CCDC186: variants seen among roughly 807,000 people sequenced by gnomAD.
CCDC186 encodes coiled-coil domain-containing protein 186.
In CCDC186, 49 loss-of-function variants were observed where a neutral mutation model predicts 113.7. The observed-to-expected ratio is 0.43, with a 90% CI of 0.34 to 0.55. CCDC186 has a LOEUF of 0.55. CCDC186 is among the 20% of genes least tolerant of loss of function. The pLI, the probability that CCDC186 is intolerant of heterozygous loss-of-function variation, is 0.02. For missense variants in CCDC186, 890 were observed against 1,011.1 expected (o/e 0.88, Z 1.62); for synonymous variants, 355 against 345.8 (o/e 1.03, Z -0.30).
At chr10:114,130,351 T>C (rs936082512) in intron 12 of CCDC186, 6 of 164,616 alleles carry the variant, frequency 3.6e-5, no homozygotes, top group Non-Finnish European at 7.9e-5. Context: ...ATTAAGTAAA[T>C]GCTAAGTCCC....
chr10:114,134,662 A>G (rs1349455462), intron 10 of CCDC186, among the ~76,000 whole-genome samples: 4 of 152,222 alleles, frequency 2.6e-5, no homozygotes, highest in Admixed American at 6.5e-5. Context: ...GGAATGGATA[A>G]GAGACTCAAC....
In CCDC186 at chr10:114,127,443, T is replaced by C. The variant is rs1439886252; in HGVS notation, c.2393+18A>G. 3 of 1,607,692 alleles carry C rather than the reference T, an allele frequency of 1.9e-6. No homozygotes were observed. In the South Asian group the frequency reaches 3.3e-5, roughly 18 times the overall value. ...ACGGTATTTTGAAGACCGATCATGC[T>C]ACCGTAATAATACATACTTTGTTTT... On this transcript the variant is annotated intron_variant, in intron 14 of 15. Transcript: ENST00000369287.
chr10:114,144,358 CAT>C (rs1350804288), intron 6 of CCDC186, 137 bp downstream of exon 6: 5 of 1,007,368 alleles, frequency 5.0e-6, no homozygotes, highest in Non-Finnish European at 7.0e-6. Flanking sequence ...CTTCATGCCT[CAT>C]TAACTGTTAT....
Position 114,157,553 on chromosome 10 carries a change from C to A in CCDC186, c.759+1G>T. The stretch of plus-strand genomic sequence containing the variant: ...TCTTCGAAGATTTTTGTCTTTTTTA[C>A]CTGTTTAATTGTGTTCATATGCTGC... On this transcript the variant is annotated splice_donor_variant, in intron 3 of 15. Coordinates refer to ENST00000369287, the MANE Select transcript of CCDC186 (RefSeq NM_018017.4). LOFTEE classifies it high-confidence loss of function. 1 of 1,583,854 alleles carries A rather than the reference C, an allele frequency of 6.3e-7. No homozygotes were observed. Among genetic ancestry groups the A allele is most frequent in the Non-Finnish European group, 8.5e-7 (1 of 1,171,666 alleles).
chr10:114,173,870 G>C, intron 1 of CCDC186, 145 bp downstream of exon 1: 1 of 356,144 alleles, frequency 2.8e-6, no homozygotes, highest in Non-Finnish European at 5.6e-6. Flanking sequence ...GGAGCCAGGC[G>C]GGGAGCCCGC....
At chr10:114,169,234 C>CA (rs2032420676) in intron 1 of CCDC186, among the ~76,000 whole-genome samples, 1 of 97,502 alleles carries the variant, frequency 1.0e-5, no homozygotes, top group African/African-American at 3.9e-5. Context: ...TAGTACCATT[C>CA]TTTTTTTTTT....
intron 3 of CCDC186, among the ~76,000 whole-genome samples, chr10:114,154,091 G>T (rs562400184): frequency 1.3e-5 from 2 of 151,618 alleles, no homozygotes; most frequent in East Asian, 3.9e-4. Context: ...CACGCCTGTA[G>T]TAGCAGCTAC....
intron 4 of CCDC186, among the ~76,000 whole-genome samples, chr10:114,146,183 G>A (rs1192784773): frequency 6.6e-6 from 1 of 152,180 alleles, no homozygotes; most frequent in Non-Finnish European, 1.5e-5. Flanking sequence ...GGCAGAGTGA[G>A]ATCTGGCTCC....
At chr10:114,149,838 A>AGGCAGGCAGGC (rs1564913049) in intron 4 of CCDC186, among the ~76,000 whole-genome samples, 73 of 107,530 alleles carry the variant, frequency 6.8e-4, no homozygotes, top group African/African-American at 2.6e-3. Flanking sequence ...GGAAGGCAGG[A>AGGCAGGCAGGC]AGGCAGGCAG....
rs377220654 is a variant in CCDC186, at chr10:114,169,024, TC to T, written c.-62+4990del. Among the ~76,000 whole-genome samples the T allele has an allele frequency of 9.8e-5, 15 of 152,286 alleles. No individual in the cohort carries two copies. The East Asian group carries it at 2.9e-3, about 29-fold the overall frequency. On this transcript the variant is annotated intron_variant, in intron 1 of 15. Transcript: ENST00000369287. ...AACATGGCAGTGAATAAAACAGAAA[TC>T]CTCATTTTATTCTTCGTGTTTTACT...
At chr10:114,162,074 G>A (rs1161828871) in intron 2 of CCDC186, 1 of 152,214 alleles carries the variant, frequency 6.6e-6, no homozygotes, top group Non-Finnish European at 1.5e-5. Context: ...GATTTGCAAA[G>A]TGAAAAAGTT....
chr10:114,152,845 T>A (rs2031895363), intron 3 of CCDC186, among the ~76,000 whole-genome samples: 1 of 152,060 alleles, frequency 6.6e-6, no homozygotes, highest in Non-Finnish European at 1.5e-5. Flanking sequence ...TATATTTACA[T>A]AAAAAACAGA....
chr10:114,126,211 T>C, intron 14 of CCDC186, 106 bp from the exon 15 acceptor site: 1 of 788,020 alleles, frequency 1.3e-6, no homozygotes, highest in Non-Finnish European at 2.0e-6. Flanking sequence ...AAATATTAGG[T>C]TAATAACCTA....
chr10:114,130,231 T>C (rs984717728), intron 12 of CCDC186: 21 of 247,332 alleles, frequency 8.5e-5, no homozygotes, highest in African/African-American at 3.4e-4. Flanking sequence ...TTTTAAAGTA[T>C]TGAAAGATTT....
At chr10:114,162,488 C>T (rs1589631166) in intron 2 of CCDC186, 149 bp downstream of exon 2, 1 of 568,900 alleles carries the variant, frequency 1.8e-6, no homozygotes, top group Non-Finnish European at 2.9e-6. Context: ...ACACATTCAG[C>T]AACTATACAT....
rs1564902084 is a variant in CCDC186, at chr10:114,122,947, A to G, written c.*2196T>C. ...CCAAGTAGATGGTAGCACAAATATT[A>G]ATACTGGAGTGTGCATTTTTGTCTA... is the stretch of plus-strand genomic sequence containing the variant. On this transcript the variant is annotated 3_prime_UTR_variant, in exon 16 of 16. Transcript: ENST00000369287. 6.6e-6 allele frequency: 1 copy of G among 152,216 alleles called. No homozygotes were observed. Among genetic ancestry groups the G allele is most frequent in the African/African-American group, 2.4e-5 (1 of 41,462 alleles). 9.4% of individuals were successfully genotyped at this position (152,216 alleles called of 1,614,324 possible).
intron 1 of CCDC186, chr10:114,173,371 T>C (rs2032575887): frequency 1.3e-5 from 4 of 319,132 alleles, no homozygotes; most frequent in South Asian, 9.8e-5. Flanking sequence ...TAGGGACACG[T>C]AGAAGGGTTT....
chr10:114,161,034 C>CT (rs1450247612), intron 2 of CCDC186, among the ~76,000 whole-genome samples: 1 of 152,232 alleles, frequency 6.6e-6, no homozygotes, highest in Non-Finnish European at 1.5e-5. Flanking sequence ...CAATGGGTAT[C>CT]TTCCAAATAC....
chr10:114,153,497 G>T (rs1263290621), intron 3 of CCDC186, among the ~76,000 whole-genome samples: 2 of 152,040 alleles, frequency 1.3e-5, no homozygotes, highest in Non-Finnish European at 2.9e-5. Context: ...TAAAAAAGAA[G>T]AAAGGGGGCC....
Sources: allele counts gnomAD v4.1 joint callset (sites outside exome capture counted in the v4.1 genomes callset), GRCh38; gene constraint gnomAD v4.1.1; transcripts MANE v1.5; gene names NCBI Gene and HGNC (gene_info 2026-07-23, HGNC 2026-07-21).